Variants in OR6C74 observed in about 807,000 individuals in gnomAD.
OR6C74 encodes the protein olfactory receptor family 6 subfamily C member 74.
For synonymous variants in OR6C74, 142 were observed against 134.2 expected (o/e 1.06, Z -0.40); for missense variants, 361 against 362.9 (o/e 0.99, Z 0.04).
In OR6C74 at chr12:55,249,495, C is replaced by T. The variant is rs73322885; in HGVS notation, c.*1269C>T. ...AAGTGTATATAACTTTGTCATATCC[C>T]CAGGCTAGCAAGAAATTTTATTTGA... is the stretch of plus-strand genomic sequence containing the variant. On this transcript the variant is annotated 3_prime_UTR_variant, in exon 2 of 2. Coordinates refer to ENST00000343399, the MANE Select transcript of OR6C74 (RefSeq NM_001005490.2). Among the ~76,000 whole-genome samples, 977 of 151,478 alleles carry T rather than the reference C, an allele frequency of 6.4e-3. 11 individuals are homozygous for T. Among genetic ancestry groups the T allele is most frequent in the African/African-American group, 0.021 (863 of 41,318 alleles).
rs1335795273 is a variant in OR6C74 at position 55,253,244 on chromosome 12, A to G, written c.*5018A>G. 1.3e-5 allele frequency among the ~76,000 whole-genome samples: 2 copies of G among 152,102 alleles called. No homozygotes were observed. The highest frequency in any genetic ancestry group is 1.3e-4 in the Admixed American group (2 of 15,254). The stretch of plus-strand genomic sequence containing the variant: ...TTCTAGTAAATGGGCCATAACTGAA[A>G]AGACAGTTGCAATTGAATTTACTAC... On this transcript the variant is annotated 3_prime_UTR_variant, in exon 2 of 2. Transcript: ENST00000343399.
At chr12:55,246,284 G>A (rs1472244655) in intron 1 of OR6C74, among the ~76,000 whole-genome samples, 2 of 152,194 alleles carry the variant, frequency 1.3e-5, no homozygotes, top group Admixed American at 1.3e-4. Flanking sequence ...AGATGGCCAT[G>A]GCAACAGGGG....
rs1954261029 is a variant in OR6C74 at position 55,244,805 on chromosome 12, G to T, written c.-22G>T. ...ATCTTATTAATAAAAATCATGAGAA[G>T]AAATGAACCTAGGTAAGATTAATGT... is the stretch of plus-strand genomic sequence containing the variant. On this transcript the variant is annotated 5_prime_UTR_variant, in exon 1 of 2. Transcript: ENST00000343399. Among the ~76,000 whole-genome samples, 1 of 151,884 alleles carries T rather than the reference G, an allele frequency of 6.6e-6. No individual in the cohort carries two copies. Among genetic ancestry groups the T allele is most frequent in the African/African-American group, 2.4e-5 (1 of 41,360 alleles).
In OR6C74 at chr12:55,251,294, T is replaced by A. The variant is rs189731889; in HGVS notation, c.*3068T>A. On this transcript the variant is annotated 3_prime_UTR_variant, in exon 2 of 2. Coordinates refer to ENST00000343399, the MANE Select transcript of OR6C74 (RefSeq NM_001005490.2). ...CTTCTGTGGAAGGCTGGTCGACAAGTATATGTTAGTCACTTCATACTCAAA... is the reference window on the plus strand; with the variant it reads ...CTTCTGTGGAAGGCTGGTCGACAAGAATATGTTAGTCACTTCATACTCAAA... Among the ~76,000 whole-genome samples, 5 of 152,178 alleles carry A rather than the reference T, an allele frequency of 3.3e-5. No individual in the cohort carries two copies. In the East Asian group the frequency reaches 7.7e-4, roughly 24 times the overall value.
chr12:55,252,211 A>G lies in OR6C74; in HGVS notation c.*3985A>G, dbSNP rs1182324056. Among the ~76,000 whole-genome samples, 1 of 151,828 alleles carries G rather than the reference A, an allele frequency of 6.6e-6. No individual in the cohort carries two copies. The highest frequency in any genetic ancestry group is 1.5e-5 in the Non-Finnish European group (1 of 67,792). ...TGGTACAAATATTAGTTTCATTTTA[A>G]TTCAGCATACTTTATTATACTTGCA... is the stretch of plus-strand genomic sequence containing the variant. On this transcript the variant is annotated 3_prime_UTR_variant, in exon 2 of 2. Coordinates refer to ENST00000343399, the MANE Select transcript of OR6C74 (RefSeq NM_001005490.2).
At chr12:55,245,919 A>T (rs1954267621) in intron 1 of OR6C74, among the ~76,000 whole-genome samples, 2 of 152,208 alleles carry the variant, frequency 1.3e-5, no homozygotes, top group Admixed American at 1.3e-4. Flanking sequence ...AAGGAAGGGG[A>T]AAAGTACAAA....
chr12:55,251,296 T>C lies in OR6C74; in HGVS notation c.*3070T>C, dbSNP rs1954309716. ...TCTGTGGAAGGCTGGTCGACAAGTA[T>C]ATGTTAGTCACTTCATACTCAAATT... is the stretch of plus-strand genomic sequence containing the variant. On this transcript the variant is annotated 3_prime_UTR_variant, in exon 2 of 2. Coordinates refer to ENST00000343399, the MANE Select transcript of OR6C74 (RefSeq NM_001005490.2). 2.0e-5 allele frequency among the ~76,000 whole-genome samples: 3 copies of C among 152,178 alleles called. No individual in the cohort carries two copies. The highest frequency in any genetic ancestry group is 2.9e-5 in the Non-Finnish European group (2 of 67,938).
rs1378899282 is a variant in OR6C74 at position 55,244,789 on chromosome 12, A to G, written c.-38A>G. Among the ~76,000 whole-genome samples, 1 of 152,092 alleles carries G rather than the reference A, an allele frequency of 6.6e-6. No individual in the cohort carries two copies. The highest frequency in any genetic ancestry group is 1.5e-5 in the Non-Finnish European group (1 of 67,940). ...ACATAAATCAGAGAACATCTTATTA[A>G]TAAAAATCATGAGAAGAAATGAACC... On this transcript the variant is annotated 5_prime_UTR_variant, in exon 1 of 2. Coordinates refer to ENST00000343399, the MANE Select transcript of OR6C74 (RefSeq NM_001005490.2).
intron 1 of OR6C74, among the ~76,000 whole-genome samples, 166 bp downstream of exon 1, chr12:55,244,983 T>C (rs1216523152): frequency 1.3e-5 from 2 of 152,040 alleles, no homozygotes; most frequent in African/African-American, 2.4e-5. Context: ...AAAAAGACAA[T>C]TGGGAATGAA....
rs111993630 is a variant in OR6C74 at position 55,256,262 on chromosome 12, G to T, written c.*8036G>T. 0.019 allele frequency among the ~76,000 whole-genome samples: 2,848 copies of T among 152,088 alleles called. 91 individuals are homozygous for T. Among genetic ancestry groups the T allele is most frequent in the African/African-American group, 0.059 (2,447 of 41,508 alleles). ...CCTTGTGTAGAGCCTATAAATGGAC[G>T]CATTGGGGGGGCACCTGTTCATATG... On this transcript the variant is annotated 3_prime_UTR_variant, in exon 2 of 2. Transcript: ENST00000343399.
rs1177802431 is a variant in OR6C74, at chr12:55,255,152, G to A, written c.*6926G>A. 6.6e-6 allele frequency among the ~76,000 whole-genome samples: 1 copy of A among 152,008 alleles called. No homozygotes were observed. Among genetic ancestry groups the A allele is most frequent in the Non-Finnish European group, 1.5e-5 (1 of 67,966 alleles). ...GTGGCCAGGTTGGGCAGGTTTTCTA[G>A]CTATCTCTTTAAAATAGTGGGGGTT... On this transcript the variant is annotated 3_prime_UTR_variant, in exon 2 of 2. Transcript: ENST00000343399.
In OR6C74 at chr12:55,247,298, A is replaced by G; in HGVS notation, c.11A>G (p.His4Arg). Residue 4 changes from histidine to arginine, a missense_variant, in exon 2 of 2, where the codon CAT becomes CGT. By Grantham distance (29) the His-to-Arg change is conservative. Coordinates refer to ENST00000343399, the MANE Select transcript of OR6C74 (RefSeq NM_001005490.2). MRN[H>R]TTVANFILLG... ...AAATAGAAATCAACTATGAGAAACCATACAACAGTAGCAAACTTTATTCTT... is the reference window on the plus strand; with the variant it reads ...AAATAGAAATCAACTATGAGAAACCGTACAACAGTAGCAAACTTTATTCTT... 6.3e-7 allele frequency: 1 copy of G among 1,590,030 alleles called. No individual in the cohort carries two copies. The highest frequency in any genetic ancestry group is 8.6e-7 in the Non-Finnish European group (1 of 1,162,216).
Position 55,248,329 on chromosome 12 carries a change from T to C in OR6C74, c.*103T>C. On this transcript the variant is annotated 3_prime_UTR_variant, in exon 2 of 2. Transcript: ENST00000343399. ...TTGTATTCAATAATATTACCTCTTT[T>C]TTGACTTATAATTTTCATTATGGCC... 1.4e-6 allele frequency: 1 copy of C among 700,010 alleles called. No individual in the cohort carries two copies. The highest frequency in any genetic ancestry group is 2.3e-6 in the Non-Finnish European group (1 of 431,020). The allele number at this position is 700,010 out of a possible 1,614,324, so 43.4% of individuals were successfully genotyped here. A position where few individuals can be genotyped will look rare whatever the true frequency, so the allele number is the denominator to read the frequency against.
rs1954346520 is a variant in OR6C74, at chr12:55,256,523, CT to C, written c.*8298del. ...TGTTTTAAGGCTCTGTTAGAAATTA[CT>C]GATGCACACACTATATTGTAAACTC... On this transcript the variant is annotated 3_prime_UTR_variant, in exon 2 of 2. Coordinates refer to ENST00000343399, the MANE Select transcript of OR6C74 (RefSeq NM_001005490.2). 6.6e-6 allele frequency among the ~76,000 whole-genome samples: 1 copy of C among 152,116 alleles called. No homozygotes were observed. The highest frequency in any genetic ancestry group is 1.5e-5 in the Non-Finnish European group (1 of 68,002).
At chr12:55,245,122 T>C (rs1410270024) in intron 1 of OR6C74, among the ~76,000 whole-genome samples, 1 of 152,110 alleles carries the variant, frequency 6.6e-6, no homozygotes. Context: ...TGGCATGAAA[T>C]TATAACTAGT....
At position 55,253,591 on chromosome 12, in the gene OR6C74, A is replaced by G. The variant is rs1954324570; in HGVS notation, c.*5365A>G. Among the ~76,000 whole-genome samples, 1 of 152,092 alleles carries G rather than the reference A, an allele frequency of 6.6e-6. No homozygotes were observed. Among genetic ancestry groups the G allele is most frequent in the African/African-American group, 2.4e-5 (1 of 41,442 alleles). ...CACATAATCATAACTTATCAGGAAA[A>G]TGTCTCTGACTCCAATTTCTTCCAC... On this transcript the variant is annotated 3_prime_UTR_variant, in exon 2 of 2. Coordinates refer to ENST00000343399, the MANE Select transcript of OR6C74 (RefSeq NM_001005490.2).
rs1327209210 is a variant in OR6C74 at position 55,252,676 on chromosome 12, AT to A, written c.*4455del. ...TTGATAATGGGTTACTTTTTCCCATATTTTTAAAACACCATCTGTTTTGGAA... is the reference window on the plus strand; with the variant it reads ...TTGATAATGGGTTACTTTTTCCCATATTTTAAAACACCATCTGTTTTGGAA... On this transcript the variant is annotated 3_prime_UTR_variant, in exon 2 of 2. Coordinates refer to ENST00000343399, the MANE Select transcript of OR6C74 (RefSeq NM_001005490.2). Among the ~76,000 whole-genome samples the A allele has an allele frequency of 6.6e-6, 1 of 151,910 alleles. No individual in the cohort carries two copies. Among genetic ancestry groups the A allele is most frequent in the African/African-American group, 2.4e-5 (1 of 41,426 alleles).
intron 1 of OR6C74, among the ~76,000 whole-genome samples, chr12:55,245,455 A>G (rs1285499104): frequency 6.6e-6 from 1 of 152,096 alleles, no homozygotes; most frequent in Non-Finnish European, 1.5e-5. Flanking sequence ...TGTTGCATTC[A>G]ATGTTATTTA....
chr12:55,249,249 C>A lies in OR6C74; in HGVS notation c.*1023C>A, dbSNP rs1267871999. 6.6e-6 allele frequency among the ~76,000 whole-genome samples: 1 copy of A among 152,016 alleles called. No individual in the cohort carries two copies. Among genetic ancestry groups the A allele is most frequent in the African/African-American group, 2.4e-5 (1 of 41,404 alleles). ...ATTAGATATAATGACTGATCATGTG[C>A]AGAGTATTTAAAAACTTTTCCTTTC... On this transcript the variant is annotated 3_prime_UTR_variant, in exon 2 of 2. Coordinates refer to ENST00000343399, the MANE Select transcript of OR6C74 (RefSeq NM_001005490.2).
Sources: allele counts gnomAD v4.1 joint callset (sites outside exome capture counted in the v4.1 genomes callset), GRCh38; gene constraint gnomAD v4.1.1; transcripts MANE v1.5; gene names NCBI Gene and HGNC (gene_info 2026-07-23, HGNC 2026-07-21).